Variants in FER1L6 observed in about 807,000 individuals in gnomAD.
FER1L6 encodes the protein fer-1-like protein 6.
In FER1L6, 177 loss-of-function variants were observed where a neutral mutation model predicts 219.2. The observed-to-expected ratio is 0.81, with a 90% CI of 0.71 to 0.91. FER1L6 has a LOEUF of 0.91. FER1L6 is among the 40% of genes least tolerant of loss of function. The pLI, the probability that FER1L6 is intolerant of heterozygous loss-of-function variation, is 0.00. For synonymous variants in FER1L6, 768 were observed against 824.3 expected (o/e 0.93, Z 1.17); for missense variants, 2,153 against 2,259.9 (o/e 0.95, Z 0.96).
chr8:123,987,993 G>A (rs1377672534), intron 12 of FER1L6, among the ~76,000 whole-genome samples: 5 of 152,130 alleles, frequency 3.3e-5, no homozygotes, highest in African/African-American at 1.2e-4. Flanking sequence ...AGCTACTTGG[G>A]AGGCTGAGGC....
chr8:123,924,830 T>A (rs1410220039), intron 1 of FER1L6: 1 of 152,222 alleles, frequency 6.6e-6, no homozygotes, highest in Non-Finnish European at 1.5e-5. Flanking sequence ...CACACTTTCC[T>A]CTTCACTTGG....
chr8:123,921,208 C>T (rs757998520), intron 1 of FER1L6, among the ~76,000 whole-genome samples: 1 of 152,120 alleles, frequency 6.6e-6, no homozygotes, highest in African/African-American at 2.4e-5. Context: ...TACCCAGAAC[C>T]GGTATTGCTG....
At chr8:123,981,945 T>C (rs1816343105) in intron 11 of FER1L6, among the ~76,000 whole-genome samples, 1 of 152,222 alleles carries the variant, frequency 6.6e-6, no homozygotes, top group Non-Finnish European at 1.5e-5. Flanking sequence ...AGTGTCGCTA[T>C]GGTTTTCTCC....
At chr8:124,020,492 T>TC (rs1036561828) in intron 16 of FER1L6, among the ~76,000 whole-genome samples, 67 of 152,010 alleles carry the variant, frequency 4.4e-4, no homozygotes, top group African/African-American at 1.5e-3. Context: ...TATTTTTTTT[T>TC]CCTAAGCACA....
chr8:124,071,301 T>C (rs1054509880), intron 30 of FER1L6, among the ~76,000 whole-genome samples: 3 of 152,210 alleles, frequency 2.0e-5, no homozygotes, highest in African/African-American at 7.2e-5. Flanking sequence ...TAATGTACAA[T>C]GCCAATTCAC....
At chr8:124,015,601 A>ATG (rs1186071536) in intron 15 of FER1L6, among the ~76,000 whole-genome samples, 13 of 102,130 alleles carry the variant, frequency 1.3e-4, no homozygotes, top group African/African-American at 6.4e-4. Flanking sequence ...ATATATATAT[A>ATG]TATATATATA....
chr8:123,957,447 A>C (rs887090180), intron 2 of FER1L6, among the ~76,000 whole-genome samples: 1 of 152,224 alleles, frequency 6.6e-6, no homozygotes, highest in African/African-American at 2.4e-5. Flanking sequence ...TGAATAAGGC[A>C]TAGTCCTTTC....
At chr8:124,118,503 C>T (rs758251844) in intron 39 of FER1L6, among the ~76,000 whole-genome samples, 20 of 152,192 alleles carry the variant, frequency 1.3e-4, no homozygotes, top group Non-Finnish European at 5.9e-5. Flanking sequence ...GGGTCTGCCA[C>T]CCAAGTAATC....
rs1288821836 is a variant in FER1L6 at position 124,035,401 on chromosome 8, T to C, written c.2411T>C (p.Met804Thr). The change falls in exon 19 of 41, where the codon ATG becomes ACG. Residue 804 changes from methionine to threonine, a missense_variant. Coordinates refer to ENST00000522917, the MANE Select transcript of FER1L6 (RefSeq NM_001039112.2). ...TTGCCAGTAGGCTATGAAGCAGAAA[T>C]GTCCTCCAAAGGGGCTGGCACCAAT... ...DNLPVGYEAE[M>T]SSKGAGTNHP... 3.7e-6 allele frequency: 6 copies of C among 1,613,918 alleles called. No individual in the cohort carries two copies. The highest frequency in any genetic ancestry group is 5.1e-6 in the Non-Finnish European group (6 of 1,179,970).
intron 1 of FER1L6, among the ~76,000 whole-genome samples, chr8:123,902,242 G>A (rs1454614102): frequency 2.6e-5 from 4 of 152,128 alleles, no homozygotes; most frequent in African/African-American, 7.2e-5. Flanking sequence ...GTCTGTCTTG[G>A]AGAAAGTTCC....
chr8:123,876,984 C>T (rs1454513628), intron 1 of FER1L6, among the ~76,000 whole-genome samples: 11 of 152,242 alleles, frequency 7.2e-5, no homozygotes, highest in African/African-American at 1.9e-4. Context: ...CCATTCCCTC[C>T]TCTGTGCTTC....
chr8:123,859,962 T>C (rs1265984227), intron 1 of FER1L6, among the ~76,000 whole-genome samples: 1 of 130,514 alleles, frequency 7.7e-6, no homozygotes, highest in Non-Finnish European at 1.7e-5. Flanking sequence ...TTTTTATTAT[T>C]ATTATTACTA....
rs781427155 is a variant in FER1L6, at chr8:123,956,062, A to G, written c.64A>G (p.Lys22Glu). ...AGAGAAGGGGTTAATCCTAGCCAAC[A>G]AGGCTGCGAAAGGTGAGGCTGGGGG... ...KAEKGLILAN[K>E]AAKDSQGDTE... Residue 22 changes from lysine (K) to glutamate (E), a missense_variant, in exon 2 of 41, where the codon AAG becomes GAG. Coordinates refer to ENST00000522917, the MANE Select transcript of FER1L6 (RefSeq NM_001039112.2). 6.2e-7 allele frequency: 1 copy of G among 1,610,658 alleles called. No homozygotes were observed. The highest frequency in any genetic ancestry group is 1.7e-5 in the Admixed American group (1 of 59,638).
chr8:123,852,720 C>T lies in FER1L6; in HGVS notation c.-8+535C>T, dbSNP rs940946158. ...TCTCTTAAATTTCTCACTCAGTTTT[C>T]CCTAATGGTAACATCTTATATTACC... On this transcript the variant is annotated intron_variant, in intron 1 of 40. Transcript: ENST00000522917. This position sits in a 1 kb window ranked among gnomAD's most constrained non-coding sequence, Gnocchi z 4.9. Among the ~76,000 whole-genome samples the T allele has an allele frequency of 6.6e-6, 1 of 152,086 alleles. No individual in the cohort carries two copies. The highest frequency in any genetic ancestry group is 1.5e-5 in the Non-Finnish European group (1 of 68,014).
rs1451626237 is a variant in FER1L6, at chr8:124,001,028, T to C, written c.1520-2139T>C. On this transcript the variant is annotated intron_variant, in intron 12 of 40. Transcript: ENST00000522917. ...GACCAGAGAAGAGGAAGGAGACTTA[T>C]GAGGTGGGGCTCTAGGATGGGCCTA... Among the ~76,000 whole-genome samples the C allele has an allele frequency of 2.0e-5, 3 of 152,166 alleles. No homozygotes were observed. In the East Asian group the frequency reaches 5.8e-4, roughly 29 times the overall value.
At chr8:123,880,214 A>G (rs1238987962) in intron 1 of FER1L6, among the ~76,000 whole-genome samples, 1 of 152,038 alleles carries the variant, frequency 6.6e-6, no homozygotes, top group Non-Finnish European at 1.5e-5. Flanking sequence ...CCTTCATCAA[A>G]CCAACCAACT....
intron 1 of FER1L6, among the ~76,000 whole-genome samples, chr8:123,873,732 A>G (rs755912312): frequency 2.0e-5 from 3 of 152,118 alleles, no homozygotes; most frequent in Non-Finnish European, 4.4e-5. Flanking sequence ...CCCTGTCTAC[A>G]TGGATGATCA....
Position 124,013,411 on chromosome 8 carries a change from C to A in FER1L6, c.1822-20C>A, listed in dbSNP as rs752352768. 1 of 1,512,680 alleles carries A rather than the reference C, an allele frequency of 6.6e-7. No individual in the cohort carries two copies. The highest frequency in any genetic ancestry group is 9.1e-7 in the Non-Finnish European group (1 of 1,100,640). 93.7% of individuals were successfully genotyped at this position (1,512,680 alleles called of 1,614,324 possible). ...TCATTACCACCGCCTCATCTCTCCA[C>A]CCCTGTGGTTTGTTTTCAGGAAGAA... is the stretch of plus-strand genomic sequence containing the variant. On this transcript the variant is annotated intron_variant, in intron 14 of 40. Coordinates refer to ENST00000522917, the MANE Select transcript of FER1L6 (RefSeq NM_001039112.2).
At chr8:124,016,608 T>C (rs1409966698) in intron 15 of FER1L6, among the ~76,000 whole-genome samples, 2 of 152,350 alleles carry the variant, frequency 1.3e-5, no homozygotes, top group South Asian at 2.1e-4. Flanking sequence ...TCCACACTCA[T>C]ACCATATTCC....
Sources: gnomAD v4.1 joint callset for allele counts (sites outside exome capture counted in the v4.1 genomes callset) on GRCh38, gnomAD v4.1.1 for gene constraint, Gnocchi (gnomAD v3.1) non-coding constraint, MANE v1.5 for transcripts, NCBI Gene and HGNC (gene_info 2026-07-23, HGNC 2026-07-21) for gene names.